Variants in SRP68 observed in about 807,000 individuals in gnomAD.
SRP68 encodes signal recognition particle subunit SRP68.
In SRP68, 15 loss-of-function variants were observed where a neutral mutation model predicts 82.2. The ratio of observed to expected loss-of-function variants is 0.18; its 90% confidence interval spans 0.12 to 0.28. SRP68 has a LOEUF of 0.28. SRP68 is among the 10% of genes least tolerant of loss of function. The pLI, the probability that SRP68 is intolerant of heterozygous loss-of-function variation, is 1.00. For missense variants in SRP68, 595 were observed against 780.5 expected (o/e 0.76, Z 2.83); for synonymous variants, 261 against 292.6 (o/e 0.89, Z 1.10).
At chr17:76,040,702 G>C (rs1428681652) in intron 14 of SRP68, 2 of 656,612 alleles carry the variant, frequency 3.0e-6, no homozygotes, top group Non-Finnish European at 5.3e-6. Flanking sequence ...GACAGTAACA[G>C]GGAGAAGGGC....
At chr17:76,047,350 G>A (rs1304175713) in intron 10 of SRP68, among the ~76,000 whole-genome samples, 2 of 152,144 alleles carry the variant, frequency 1.3e-5, no homozygotes, top group Admixed American at 6.5e-5. Context: ...TTACAGGCGT[G>A]AGCCACCATG....
At chr17:76,061,282 CA>C in intron 5 of SRP68, 63 bp from the exon 6 acceptor site, 1 of 1,213,920 alleles carries the variant, frequency 8.2e-7, no homozygotes, top group Non-Finnish European at 1.2e-6. Context: ...ATGGGGAACA[CA>C]GTGACTAAAA....
At chr17:76,051,488 A>T (rs1230638235) in intron 8 of SRP68, among the ~76,000 whole-genome samples, 3 of 152,202 alleles carry the variant, frequency 2.0e-5, no homozygotes, top group Admixed American at 1.3e-4. Flanking sequence ...AAGAAAGCTC[A>T]AACGAAAACC....
chr17:76,040,740 C>T (rs1462761214), intron 14 of SRP68, 163 bp downstream of exon 14: 3 of 712,382 alleles, frequency 4.2e-6, no homozygotes, highest in South Asian at 3.5e-5. Context: ...CGAAATGCTT[C>T]TACACAATCT....
rs1478089410 is a variant in SRP68, at chr17:76,038,962, C to CT, written c.*743dup. ...TGGGAAGTCCTGAAAAATAGTGCCT[C>CT]TAACATGTGTATCTGGCATCAGCCT... is the stretch of plus-strand genomic sequence containing the variant. On this transcript the variant is annotated 3_prime_UTR_variant, in exon 16 of 16. Coordinates refer to ENST00000307877, the MANE Select transcript of SRP68 (RefSeq NM_014230.4). The CT allele has an allele frequency of 6.3e-6, 1 of 159,822 alleles. No homozygotes were observed. Among genetic ancestry groups the CT allele is most frequent in the Non-Finnish European group, 1.4e-5 (1 of 72,148 alleles). The allele number at this position is 159,822 out of a possible 1,614,324, so 9.9% of individuals were successfully genotyped here. A position where few individuals can be genotyped will look rare whatever the true frequency, so the allele number is the denominator to read the frequency against.
intron 12 of SRP68, 73 bp downstream of exon 12, chr17:76,045,219 G>T (rs2066620597): frequency 1.7e-6 from 2 of 1,179,278 alleles, no homozygotes; most frequent in African/African-American, 3.0e-5. Flanking sequence ...CATCTGCTGT[G>T]GGCTGGGTCA....
intron 9 of SRP68, 115 bp downstream of exon 9, chr17:76,050,313 G>A (rs549993712): frequency 8.4e-6 from 6 of 714,638 alleles, no homozygotes; most frequent in East Asian, 7.7e-5. Context: ...AAACAAAAAC[G>A]AAACAGTGGC....
At chr17:76,069,833 T>C (rs529684186) in intron 2 of SRP68, among the ~76,000 whole-genome samples, 1 of 150,400 alleles carries the variant, frequency 6.6e-6, no homozygotes, top group South Asian at 2.1e-4. Context: ...TTCCAACACT[T>C]TGGGAAGCTG....
intron 15 of SRP68, 80 bp downstream of exon 15, chr17:76,040,339 A>G: frequency 7.3e-7 from 1 of 1,365,190 alleles, no homozygotes; most frequent in East Asian, 2.3e-5. Flanking sequence ...TTTAGGGTCC[A>G]CTGCTCTATA....
chr17:76,046,151 C>T lies in SRP68; in HGVS notation c.1186G>A (p.Glu396Lys). The stretch of plus-strand genomic sequence containing the variant: ...CTCTGCAGACCTTTGGCCATGTTCT[C>T]ATTACGCTTGATTGCCGTTGATAGC... ...IKLSTAIKRN[E>K]NMAKGLQRAL... is the part of the protein sequence containing the mutation. Residue 396 changes from glutamate (E) to lysine (K), a missense_variant, in exon 11 of 16, where the codon GAG becomes AAG. Physicochemically the swap from Glu to Lys is moderately conservative, Grantham distance 56. Around this residue, in one of 2 missense-constraint regions of SRP68, gnomAD observed 495 missense variants for 688.6 expected, o/e 0.72. Transcript: ENST00000307877. 1.2e-6 allele frequency: 2 copies of T among 1,613,926 alleles called. No individual in the cohort carries two copies. Among genetic ancestry groups the T allele is most frequent in the Non-Finnish European group, 1.7e-6 (2 of 1,179,854 alleles).
intron 15 of SRP68, among the ~76,000 whole-genome samples, chr17:76,040,177 C>G (rs900431850): frequency 1.3e-5 from 2 of 152,152 alleles, no homozygotes; most frequent in African/African-American, 4.8e-5. Flanking sequence ...GGCCATGTTA[C>G]GAGTTAGAGC....
intron 4 of SRP68, among the ~76,000 whole-genome samples, chr17:76,062,746 TA>T (rs1305230041): frequency 1.2e-5 from 1 of 81,818 alleles, no homozygotes; most frequent in Non-Finnish European, 2.0e-5. Context: ...TATATATATA[TA>T]TATATATATA....
chr17:76,068,824 G>C (rs1287306841), intron 2 of SRP68, among the ~76,000 whole-genome samples: 1 of 151,994 alleles, frequency 6.6e-6, no homozygotes, highest in African/African-American at 2.4e-5. Context: ...GGCTGGGCTC[G>C]AACTCCGGGG....
intron 7 of SRP68, among the ~76,000 whole-genome samples, 170 bp downstream of exon 7, chr17:76,060,138 A>AAG (rs2066741698): frequency 6.7e-6 from 1 of 150,006 alleles, no homozygotes; most frequent in Admixed American, 6.7e-5. Flanking sequence ...AAAAAAAAAA[A>AAG]AAAAAAAAAA....
At position 76,058,919 on chromosome 17, in the gene SRP68, C is replaced by T. The variant is rs747952699; in HGVS notation, c.838-1376G>A. Among the ~76,000 whole-genome samples, 11 of 152,258 alleles carry T rather than the reference C, an allele frequency of 7.2e-5. 1 individual carries two copies. In the South Asian group the frequency reaches 1.0e-3, roughly 14 times the overall value. On this transcript the variant is annotated intron_variant, in intron 7 of 15. Coordinates refer to ENST00000307877, the MANE Select transcript of SRP68 (RefSeq NM_014230.4). ...AACAGACTTCTATGCAACGGAGTAC[C>T]ATGCAGCCATCAAAGGATGATGGTG... is the stretch of plus-strand genomic sequence containing the variant.
At chr17:76,065,437 C>CAAAA in intron 3 of SRP68, among the ~76,000 whole-genome samples, 1 of 79,030 alleles carries the variant, frequency 1.3e-5, no homozygotes, top group Non-Finnish European at 2.5e-5. Context: ...GACCCTGTCT[C>CAAAA]AAAAAAAAAA....
At chr17:76,041,079 C>G (rs767690624) in intron 13 of SRP68, 101 bp from the exon 14 acceptor site, 14 of 822,110 alleles carry the variant, frequency 1.7e-5, no homozygotes, top group South Asian at 8.0e-5. Context: ...TTTCACAGGA[C>G]TTTAGACTTT....
chr17:76,057,323 A>G, intron 8 of SRP68, 80 bp downstream of exon 8: 1 of 1,564,060 alleles, frequency 6.4e-7, no homozygotes, highest in Non-Finnish European at 8.8e-7. Context: ...ACTGAATACC[A>G]ACGAGCCACT....
intron 2 of SRP68, among the ~76,000 whole-genome samples, chr17:76,068,267 G>T (rs1380741814): frequency 6.6e-6 from 1 of 151,642 alleles, no homozygotes; most frequent in Non-Finnish European, 1.5e-5. Flanking sequence ...ACTTCAGCCT[G>T]GGCAACAACA....
Sources: gnomAD v4.1 joint callset for allele counts (sites outside exome capture counted in the v4.1 genomes callset) on GRCh38, gnomAD v4.1.1 for gene constraint, gnomAD v4.1.1 regional missense constraint, MANE v1.5 for transcripts, NCBI Gene and HGNC (gene_info 2026-07-23, HGNC 2026-07-21) for gene names.